The following STAC variants were observed in gnomAD, a reference collection of about 807,000 sequenced individuals.
STAC encodes SH3 and cysteine rich domain, also known as SH3 and cysteine-rich domain-containing protein.
In STAC, 43 loss-of-function variants were observed where a neutral mutation model predicts 48.8. The observed-to-expected ratio is 0.88, with a 90% confidence interval of 0.69 to 1.14. STAC has a LOEUF of 1.14. Among genes scored for constraint, STAC ranks in the 50% most tolerant of loss-of-function variants. STAC has a pLI of 0.00. For missense variants in STAC, 497 were observed against 504.0 expected, an observed-to-expected ratio of 0.99 and a Z score of 0.13; for synonymous variants, 193 against 179.5, an observed-to-expected ratio of 1.07 and a Z score of -0.60.
chr3:36,462,241 T>A (rs1697038609), intron 2 of STAC, among the ~76,000 whole-genome samples: 1 of 152,180 alleles, frequency 6.6e-6, no homozygotes, highest in Non-Finnish European at 1.5e-5. Context: ...GGAAACTGTC[T>A]ACTATAAGTT....
chr3:36,459,001 G>A lies in STAC; in HGVS notation c.388+15361G>A, dbSNP rs117302512. 1.5e-3 allele frequency among the ~76,000 whole-genome samples: 232 copies of A among 152,240 alleles called. 2 individuals carry two copies. The highest frequency in any genetic ancestry group is 7.3e-3 in the East Asian group (38 of 5,182). On this transcript the variant is annotated intron_variant, in intron 2 of 10. Coordinates refer to ENST00000273183, the MANE Select transcript of STAC (RefSeq NM_003149.3). ...TAGTCCATGAACTACACTTTTAGTT[G>A]CAAGGCTTTAACATATCTCCCTGAC...
intron 2 of STAC, among the ~76,000 whole-genome samples, chr3:36,475,968 G>A (rs1485953488): frequency 1.3e-5 from 2 of 152,216 alleles, no homozygotes; most frequent in Non-Finnish European, 2.9e-5. Context: ...GGAATAAAAA[G>A]CAAGGCTAGC....
chr3:36,453,002 T>A (rs1696727792), intron 2 of STAC, among the ~76,000 whole-genome samples: 1 of 152,218 alleles, frequency 6.6e-6, no homozygotes, highest in Non-Finnish European at 1.5e-5. Flanking sequence ...CGGAATGTCC[T>A]AAAGCCAAAT....
intron 1 of STAC, 152 bp downstream of exon 1, chr3:36,380,906 G>GCCGAGA: frequency 1.7e-6 from 1 of 596,542 alleles, no homozygotes; most frequent in South Asian, 2.1e-5. Context: ...GGTAGGACCC[G>GCCGAGA]CTGCTCACGA....
At chr3:36,384,042 G>A (rs948166558) in intron 1 of STAC, among the ~76,000 whole-genome samples, 2 of 152,194 alleles carry the variant, frequency 1.3e-5, no homozygotes, top group Admixed American at 1.3e-4. Flanking sequence ...GAAAGCCACT[G>A]ATGTATCATA....
rs1157097089 is a variant in STAC at position 36,453,782 on chromosome 3, GTGGAGAACCTTT to G, written c.388+10143_388+10154del. On this transcript the variant is annotated intron_variant, in intron 2 of 10. Transcript: ENST00000273183. ...CTGGGCTCCTGAGTCTGGTGGGGAC[GTGGAGAACCTTT>G]ATGTCTGGCTAGGGGATTGTAAACA... Among the ~76,000 whole-genome samples the G allele has an allele frequency of 4.2e-3, 115 of 27,682 alleles. 51 individuals are homozygous for G. The highest frequency in any genetic ancestry group is 0.029 in the Middle Eastern group (2 of 68). The allele number at this position is 27,682 out of a possible 152,430, so 18.2% of individuals were successfully genotyped here. A position where few individuals can be genotyped will look rare whatever the true frequency, so the allele number is the denominator to read the frequency against.
At chr3:36,510,781 G>T (rs548427118) in intron 8 of STAC, among the ~76,000 whole-genome samples, 11 of 152,050 alleles carry the variant, frequency 7.2e-5, no homozygotes, top group African/African-American at 2.7e-4. Context: ...CACAGGGAGG[G>T]TAACATCATA....
Position 36,399,149 on chromosome 3 carries a change from C to T in STAC, c.111+18395C>T, listed in dbSNP as rs535552801. Among the ~76,000 whole-genome samples the T allele has an allele frequency of 2.0e-5, 3 of 152,212 alleles. No homozygotes were observed. The South Asian group carries it at 6.2e-4, about 32-fold the overall frequency. On this transcript the variant is annotated intron_variant, in intron 1 of 10. Transcript: ENST00000273183. The stretch of plus-strand genomic sequence containing the variant: ...GGAAGAGGGAGGGGAGTACAATCTC[C>T]CAAAGGGGACAGTTCCCATTAGTTG...
At chr3:36,388,735 T>C (rs1699676743) in intron 1 of STAC, among the ~76,000 whole-genome samples, 1 of 152,054 alleles carries the variant, frequency 6.6e-6, no homozygotes, top group Admixed American at 6.6e-5. Flanking sequence ...TTTATTCTTT[T>C]TTCACTGATT....
At chr3:36,390,238 C>T (rs1389411877) in intron 1 of STAC, among the ~76,000 whole-genome samples, 1 of 152,144 alleles carries the variant, frequency 6.6e-6, no homozygotes, top group Non-Finnish European at 1.5e-5. Context: ...AACTTAAAGA[C>T]AAATCCATTT....
At chr3:36,527,873 C>G (rs1340867280) in intron 8 of STAC, among the ~76,000 whole-genome samples, 5 of 151,960 alleles carry the variant, frequency 3.3e-5, no homozygotes, top group Admixed American at 2.0e-4. Flanking sequence ...AAATCTAGTA[C>G]AAAACTCCAA....
chr3:36,528,878 C>G lies in STAC; in HGVS notation c.1003C>G (p.Pro335Ala). The part of the protein sequence containing the change: ...GKIQDRIGFF[P>A]ANFVQRLQQN... ...AATTCAAGACAGAATTGGCTTCTTT[C>G]CAGCCAACTTTGTTCAGAGACTACA... The change falls in exon 10 of 11, where the codon CCA (proline) becomes GCA (alanine). Residue 335 changes from proline (P) to alanine (A), a missense_variant. Coordinates refer to ENST00000273183, the MANE Select transcript of STAC (RefSeq NM_003149.3). 6.2e-7 allele frequency: 1 copy of G among 1,613,510 alleles called. No homozygotes were observed. The highest frequency in any genetic ancestry group is 8.5e-7 in the Non-Finnish European group (1 of 1,179,738).
rs1316738985 is a variant in STAC, at chr3:36,533,509, A to G, written c.1110+4524A>G. Among the ~76,000 whole-genome samples, 3 of 92,528 alleles carry G rather than the reference A, an allele frequency of 3.2e-5. 1 individual carries two copies. Among genetic ancestry groups the G allele is most frequent in the Middle Eastern group, 0.019 (2 of 106 alleles). 60.7% of individuals were successfully genotyped at this position (92,528 alleles called of 152,430 possible). On this transcript the variant is annotated intron_variant, in intron 10 of 10. Coordinates refer to ENST00000273183, the MANE Select transcript of STAC (RefSeq NM_003149.3). ...TTTTTTTTTTTTTTTTTTTCAGAAT[A>G]ATCTTATGCTTTCCCATTTGAGGTC...
rs149675326 is a variant in STAC at position 36,429,455 on chromosome 3, G to A, written c.112-13909G>A. Among the ~76,000 whole-genome samples, 7 of 152,306 alleles carry A rather than the reference G, an allele frequency of 4.6e-5. No homozygotes were observed. In the East Asian group the frequency reaches 1.4e-3, roughly 29 times the overall value. On this transcript the variant is annotated intron_variant, in intron 1 of 10. Coordinates refer to ENST00000273183, the MANE Select transcript of STAC (RefSeq NM_003149.3). ...CTAGGCCTTGTCCACTGTAGGAGGA[G>A]ACCTGGGAGTGGTGGGGAACAGGTT...
intron 2 of STAC, among the ~76,000 whole-genome samples, chr3:36,461,965 TG>T (rs1219202070): frequency 6.6e-6 from 1 of 152,156 alleles, no homozygotes. Flanking sequence ...TTGGTGTTGC[TG>T]TTATGTGAAA....
intron 10 of STAC, among the ~76,000 whole-genome samples, chr3:36,538,178 G>T (rs1699242390): frequency 6.6e-6 from 1 of 151,962 alleles, no homozygotes. Flanking sequence ...AAAAAATTTA[G>T]TCATTAAATG....
intron 1 of STAC, among the ~76,000 whole-genome samples, chr3:36,438,440 G>A (rs762157891): frequency 6.6e-6 from 1 of 152,164 alleles, no homozygotes; most frequent in Non-Finnish European, 1.5e-5. Context: ...GTAACATTTT[G>A]TAACATCAGG....
chr3:36,537,958 A>T (rs1326648529), intron 10 of STAC, among the ~76,000 whole-genome samples: 1 of 152,060 alleles, frequency 6.6e-6, no homozygotes, highest in East Asian at 1.9e-4. Flanking sequence ...TTTAAAAAAA[A>T]ACAGAAAAAA....
At chr3:36,516,606 A>G (rs1698678187) in intron 8 of STAC, among the ~76,000 whole-genome samples, 1 of 152,156 alleles carries the variant, frequency 6.6e-6, no homozygotes, top group East Asian at 1.9e-4. Context: ...ATAATTCTCT[A>G]TCTTTCCACC....
Sources: allele counts gnomAD v4.1 joint callset (sites outside exome capture counted in the v4.1 genomes callset), GRCh38; gene constraint gnomAD v4.1.1; transcripts MANE v1.5; gene names NCBI Gene and HGNC (gene_info 2026-07-23, HGNC 2026-07-21).